The following CAMK2B variants were observed in gnomAD, a reference collection of about 807,000 sequenced individuals.
CAMK2B encodes the protein calcium/calmodulin dependent protein kinase II beta, also known as calcium/calmodulin-dependent protein kinase type II subunit beta.
A neutral mutation model predicts 93.7 loss-of-function variants in CAMK2B; 27 were observed. That is an observed-to-expected ratio of 0.29 (90% CI 0.21 to 0.40). CAMK2B has a LOEUF of 0.40. Ranked by LOEUF, CAMK2B falls within the 10% of genes least tolerant of loss-of-function variation. CAMK2B has a pLI of 1.00. For missense variants in CAMK2B, 568 were observed against 895.8 expected, an observed-to-expected ratio of 0.63 and a Z score of 4.67; for synonymous variants, 374 against 358.8, an observed-to-expected ratio of 1.04 and a Z score of -0.48.
At chr7:44,229,312 G>T in intron 18 of CAMK2B, 76 bp downstream of exon 18, 1 of 973,474 alleles carries the variant, frequency 1.0e-6, no homozygotes, top group Non-Finnish European at 1.5e-6. Context: ...CCTGCCCTCG[G>T]CTCTGGAGTG....
intron 13 of CAMK2B, among the ~76,000 whole-genome samples, chr7:44,237,954 G>C (rs898209747): frequency 1.3e-5 from 2 of 152,208 alleles, no homozygotes; most frequent in Non-Finnish European, 2.9e-5. Flanking sequence ...CAATGCAGGA[G>C]AGACCACAGA....
chr7:44,264,292 C>T lies in CAMK2B; in HGVS notation c.161-1228G>A, dbSNP rs562811216. Reference sequence around the variant, plus strand: ...CCGTGCTTGGCAGAAACTTGTCCACCTGCAGGAAGGGAGGACTGGCTGAGT... The same window carrying T: ...CCGTGCTTGGCAGAAACTTGTCCACTTGCAGGAAGGGAGGACTGGCTGAGT... On this transcript the variant is annotated intron_variant, in intron 2 of 23. Coordinates refer to ENST00000395749, the MANE Select transcript of CAMK2B (RefSeq NM_001220.5). Among the ~76,000 whole-genome samples, 195 of 152,340 alleles carry T rather than the reference C, an allele frequency of 1.3e-3. 1 individual carries two copies. The highest frequency in any genetic ancestry group is 4.6e-3 in the African/African-American group (192 of 41,574).
chr7:44,242,632 G>C lies in CAMK2B; in HGVS notation c.624C>G (p.Leu208=), dbSNP rs2096691426. The C allele has an allele frequency of 6.2e-7, 1 of 1,611,794 alleles. No individual in the cohort carries two copies. Among genetic ancestry groups the C allele is most frequent in the Non-Finnish European group, 8.5e-7 (1 of 1,179,274 alleles). The change falls in exon 9 of 24, where the codon CTC becomes CTG. Residue 208 remains leucine, a synonymous_variant. Transcript: ENST00000395749. Reference sequence around the variant, plus strand: ...CGTCCCAGAAGGGTGGGTAGCCCACGAGCAGGATGTACAGGATCACCCCTG... The same window carrying C: ...CGTCCCAGAAGGGTGGGTAGCCCACCAGCAGGATGTACAGGATCACCCCTG... The part of the protein sequence containing the change: ...WACGVILYIL[L]VGYPPFWDED...
At chr7:44,301,709 G>T (rs991414854) in intron 1 of CAMK2B, among the ~76,000 whole-genome samples, 1 of 151,838 alleles carries the variant, frequency 6.6e-6, no homozygotes, top group Non-Finnish European at 1.5e-5. Flanking sequence ...CCAGGAAGTC[G>T]GAGGTTGCAG....
Position 44,300,020 on chromosome 7 carries a change from CTGTGTG to C in CAMK2B, c.66-15801_66-15796del, listed in dbSNP as rs143590426. On this transcript the variant is annotated intron_variant, in intron 1 of 23. Coordinates refer to ENST00000395749, the MANE Select transcript of CAMK2B (RefSeq NM_001220.5). Reference sequence around the variant, plus strand: ...TATATGTATGTATATGTGTATGTGTCTGTGTGTGTGTGTGTGTGTGTGTGTGTGTGT... The same window carrying C: ...TATATGTATGTATATGTGTATGTGTCTGTGTGTGTGTGTGTGTGTGTGTGT... Among the ~76,000 whole-genome samples, 1,151 of 141,688 alleles carry C rather than the reference CTGTGTG, an allele frequency of 8.1e-3. 24 individuals carry two copies. Among genetic ancestry groups the C allele is most frequent in the East Asian group, 0.01 (49 of 4,840 alleles). 93.0% of individuals were successfully genotyped at this position (141,688 alleles called of 152,430 possible).
chr7:44,281,665 T>C (rs1281191486), intron 2 of CAMK2B, among the ~76,000 whole-genome samples: 4 of 152,082 alleles, frequency 2.6e-5, no homozygotes, highest in Non-Finnish European at 4.4e-5. Context: ...GTCACACCCA[T>C]AATGACACAC....
At chr7:44,231,119 C>A in intron 16 of CAMK2B, 65 bp from the exon 17 acceptor site, 1 of 1,303,482 alleles carries the variant, frequency 7.7e-7, no homozygotes, top group Non-Finnish European at 1.1e-6. Context: ...TGGCTGAGGG[C>A]AGGTGGACAG....
intron 18 of CAMK2B, 109 bp from the exon 19 acceptor site, chr7:44,229,033 C>G (rs949735810): frequency 6.6e-6 from 7 of 1,058,190 alleles, no homozygotes; most frequent in Non-Finnish European, 1.0e-5. Flanking sequence ...CCCTTGGGCC[C>G]TGGGATCAGG....
chr7:44,220,544 G>T, intron 22 of CAMK2B, 72 bp downstream of exon 22: 1 of 1,328,578 alleles, frequency 7.5e-7, no homozygotes, highest in Non-Finnish European at 1.0e-6. Flanking sequence ...CCACCATGCT[G>T]TCCCTGGGAG....
chr7:44,250,616 G>A (rs1402520965), intron 5 of CAMK2B, among the ~76,000 whole-genome samples: 2 of 141,950 alleles, frequency 1.4e-5, no homozygotes, highest in East Asian at 2.2e-4. Flanking sequence ...TGCAACCTCC[G>A]CCTCCCGGGT....
intron 2 of CAMK2B, among the ~76,000 whole-genome samples, chr7:44,269,563 GGTGA>G (rs2096953765): frequency 6.6e-6 from 1 of 152,266 alleles, no homozygotes; most frequent in Non-Finnish European, 1.5e-5. Flanking sequence ...GGTGGGGGGT[GGTGA>G]GTGAGAGGAA....
intron 1 of CAMK2B, among the ~76,000 whole-genome samples, chr7:44,317,737 G>A (rs1795158119): frequency 6.6e-6 from 1 of 151,972 alleles, no homozygotes; most frequent in Non-Finnish European, 1.5e-5. Flanking sequence ...TGCAGCTCTC[G>A]ACAACTTGGA....
At chr7:44,275,020 T>TCTCC (rs1156291998) in intron 2 of CAMK2B, among the ~76,000 whole-genome samples, 1 of 152,052 alleles carries the variant, frequency 6.6e-6, no homozygotes. Flanking sequence ...AGCTCCCAGG[T>TCTCC]CTCCCCTCTG....
intron 17 of CAMK2B, chr7:44,229,756 G>T: frequency 2.5e-6 from 1 of 407,996 alleles, no homozygotes; most frequent in Non-Finnish European, 4.3e-6. Context: ...GGCAGCACAG[G>T]CCAGTGCAGG....
At chr7:44,231,981 T>C (rs1345276232) in intron 16 of CAMK2B, among the ~76,000 whole-genome samples, 2 of 152,188 alleles carry the variant, frequency 1.3e-5, no homozygotes, top group Non-Finnish European at 2.9e-5. Context: ...CAGAAGGTTG[T>C]TTAGGAGTCC....
Position 44,218,395 on chromosome 7 carries a change from T to A in CAMK2B, c.*1130A>T, listed in dbSNP as rs1480613418. The A allele has an allele frequency of 6.6e-6, 1 of 152,240 alleles. No individual in the cohort carries two copies. The highest frequency in any genetic ancestry group is 2.4e-5 in the African/African-American group (1 of 41,442). 9.4% of individuals were successfully genotyped at this position (152,240 alleles called of 1,614,324 possible). On this transcript the variant is annotated 3_prime_UTR_variant, in exon 24 of 24. Coordinates refer to ENST00000395749, the MANE Select transcript of CAMK2B (RefSeq NM_001220.5). ...CCCAAACCCCATCAGCAGACGAATA[T>A]GCCCAGACACAAAGCCTGGCCTCCC...
chr7:44,229,541 C>A, intron 17 of CAMK2B, 40 bp from the exon 18 acceptor site: 1 of 1,076,192 alleles, frequency 9.3e-7, no homozygotes, highest in Non-Finnish European at 1.3e-6. Context: ...GGGTGGTGCG[C>A]CCGCAGGAAA....
intron 1 of CAMK2B, among the ~76,000 whole-genome samples, chr7:44,295,001 A>G (rs1787906940): frequency 6.6e-6 from 1 of 152,250 alleles, no homozygotes; most frequent in South Asian, 2.1e-4. Context: ...CTGGACTCAG[A>G]AAAGCCAAGT....
intron 13 of CAMK2B, among the ~76,000 whole-genome samples, chr7:44,238,323 G>A (rs1248342002): frequency 3.3e-5 from 5 of 152,188 alleles, no homozygotes; most frequent in South Asian, 2.1e-4. Context: ...GCAGACAGGC[G>A]GGCATTGCAG....
Sources: gnomAD v4.1 joint callset for allele counts (sites outside exome capture counted in the v4.1 genomes callset) on GRCh38, gnomAD v4.1.1 for gene constraint, MANE v1.5 for transcripts, NCBI Gene and HGNC (gene_info 2026-07-23, HGNC 2026-07-21) for gene names.